Variants in DEFB4B observed in about 807,000 individuals in gnomAD.
The protein encoded by DEFB4B is beta-defensin 4B.
intron 1 of DEFB4B, among the ~76,000 whole-genome samples, chr8:7,416,235 G>A (rs1405978220): frequency 6.6e-6 from 1 of 151,652 alleles, no homozygotes; most frequent in African/African-American, 2.4e-5. Context: ...CTAGGTTGCA[G>A]TATCTACCCT....
rs1374476992 is a variant in DEFB4B at position 7,415,875 on chromosome 8, T to A, written c.59-778A>T. 3.5e-4 allele frequency among the ~76,000 whole-genome samples: 52 copies of A among 148,908 alleles called. 1 individual carries two copies. Among genetic ancestry groups the A allele is most frequent in the Non-Finnish European group, 6.0e-4 (40 of 67,124 alleles). ...TTGTTCTCACAAAACCCAGGACTCA[T>A]AAATAAGATTGGTAAAATGAGGATT... On this transcript the variant is annotated intron_variant, in intron 1 of 1. Transcript: ENST00000318157.
At chr8:7,415,785 C>T (rs547083870) in intron 1 of DEFB4B, among the ~76,000 whole-genome samples, 305 of 147,286 alleles carry the variant, frequency 2.1e-3, no homozygotes, top group African/African-American at 7.0e-3. Flanking sequence ...GCCTCCCCGC[C>T]TTCCTTCATT....
chr8:7,416,374 G>A (rs527619904), intron 1 of DEFB4B, among the ~76,000 whole-genome samples: 5 of 151,558 alleles, frequency 3.3e-5, no homozygotes, highest in Non-Finnish European at 7.4e-5. Context: ...AGCATGGAAA[G>A]CAGTGAAGAG....
In DEFB4B at chr8:7,415,461, C is replaced by T. The variant is rs1467400896; in HGVS notation, c.59-364G>A. 2.6e-4 allele frequency among the ~76,000 whole-genome samples: 40 copies of T among 151,290 alleles called. 2 individuals carry two copies. The highest frequency in any genetic ancestry group is 3.1e-4 in the Non-Finnish European group (21 of 67,788). On this transcript the variant is annotated intron_variant, in intron 1 of 1. Transcript: ENST00000318157. ...AGATAATATCAAAGCCACCATACCT[C>T]CATTTTAACACACACAAGCCAGTAA...
chr8:7,416,263 G>C (rs1188817053), intron 1 of DEFB4B, among the ~76,000 whole-genome samples: 1 of 151,658 alleles, frequency 6.6e-6, no homozygotes, highest in African/African-American at 2.4e-5. Context: ...TAAAAATTTA[G>C]AAAATGACAT....
chr8:7,415,846 C>A (rs1808827178), intron 1 of DEFB4B, among the ~76,000 whole-genome samples: 1 of 148,462 alleles, frequency 6.7e-6, no homozygotes, highest in South Asian at 2.2e-4. Flanking sequence ...CTCTCAGAAC[C>A]CCATTGTTCT....
chr8:7,416,209 G>A (rs1257316051), intron 1 of DEFB4B, among the ~76,000 whole-genome samples: 2 of 151,456 alleles, frequency 1.3e-5, no homozygotes, highest in Non-Finnish European at 2.9e-5. Context: ...TGGGCCTTAA[G>A]ATTATCTGGA....
chr8:7,415,682 T>C (rs1451230437), intron 1 of DEFB4B, among the ~76,000 whole-genome samples: 1 of 144,078 alleles, frequency 6.9e-6, no homozygotes, highest in African/African-American at 2.6e-5. Flanking sequence ...CTCATTCTTC[T>C]TTTTTTATCC....
chr8:7,415,443 A>G (rs1242853857), intron 1 of DEFB4B, among the ~76,000 whole-genome samples: 2 of 151,342 alleles, frequency 1.3e-5, no homozygotes, highest in Non-Finnish European at 2.9e-5. Flanking sequence ...AGAAGATAAT[A>G]TCAAAGCCAC....
chr8:7,416,582 A>C (rs1242727881), intron 1 of DEFB4B, among the ~76,000 whole-genome samples, 188 bp downstream of exon 1: 3 of 146,842 alleles, frequency 2.0e-5, no homozygotes, highest in African/African-American at 7.6e-5. Flanking sequence ...AGGAAAAAGA[A>C]AGACAGAAAA....
rs552222389 is a variant in DEFB4B, at chr8:7,415,510, A to C, written c.59-413T>G. Among the ~76,000 whole-genome samples, 3 of 151,576 alleles carry C rather than the reference A, an allele frequency of 2.0e-5. No homozygotes were observed. The South Asian group carries it at 6.2e-4, about 32-fold the overall frequency. ...AAACTTTTGCTTTTTCAAATCATTT[A>C]GTCTGTTAAGTATTTGATCTGAGAT... On this transcript the variant is annotated intron_variant, in intron 1 of 1. Coordinates refer to ENST00000318157, the MANE Select transcript of DEFB4B (RefSeq NM_001205266.2).
intron 1 of DEFB4B, among the ~76,000 whole-genome samples, 181 bp downstream of exon 1, chr8:7,416,589 A>T (rs1360793257): frequency 2.4e-5 from 2 of 81,710 alleles, no homozygotes; most frequent in South Asian, 7.8e-4. Context: ...AGAAAGACAG[A>T]AAAAAAGAGA....
intron 1 of DEFB4B, among the ~76,000 whole-genome samples, chr8:7,415,616 C>A (rs1264417917): frequency 2.6e-5 from 4 of 151,106 alleles, no homozygotes; most frequent in Non-Finnish European, 5.9e-5. Flanking sequence ...CCACAATTAA[C>A]CATAGAAATA....
chr8:7,415,339 T>C (rs1213700472), intron 1 of DEFB4B, among the ~76,000 whole-genome samples: 13 of 151,050 alleles, frequency 8.6e-5, no homozygotes, highest in African/African-American at 3.2e-4. Flanking sequence ...AACCTGATTG[T>C]GAAAGACCCT....
At chr8:7,416,163 C>T (rs1808846126) in intron 1 of DEFB4B, among the ~76,000 whole-genome samples, 1 of 150,956 alleles carries the variant, frequency 6.6e-6, no homozygotes, top group Admixed American at 6.6e-5. Flanking sequence ...GTCCTGGGGG[C>T]AGAGTGTCTG....
intron 1 of DEFB4B, among the ~76,000 whole-genome samples, chr8:7,415,957 T>C (rs1267590931): frequency 6.8e-6 from 1 of 147,682 alleles, no homozygotes; most frequent in Non-Finnish European, 1.5e-5. Flanking sequence ...AAATTTTCTT[T>C]TTCCCTTTCT....
intron 1 of DEFB4B, among the ~76,000 whole-genome samples, chr8:7,415,689 A>ATCTCTCCCTCCC (rs1808809654): frequency 1.5e-5 from 1 of 67,366 alleles, no homozygotes; most frequent in African/African-American, 5.4e-5. Context: ...TTCTTTTTTT[A>ATCTCTCCCTCCC]TCCCTCCCTC....
intron 1 of DEFB4B, among the ~76,000 whole-genome samples, chr8:7,415,412 T>C (rs1808793494): frequency 2.0e-5 from 3 of 151,386 alleles, no homozygotes; most frequent in Non-Finnish European, 4.4e-5. Flanking sequence ...AACGATCTCT[T>C]GTGAATTCAG....
intron 1 of DEFB4B, among the ~76,000 whole-genome samples, chr8:7,416,436 G>T (rs1200946326): frequency 6.6e-6 from 1 of 151,812 alleles, no homozygotes; most frequent in Non-Finnish European, 1.5e-5. Context: ...AAGAACGAGT[G>T]AGGTGTCCAT....
Sources: gnomAD v4.1 joint callset for allele counts (sites outside exome capture counted in the v4.1 genomes callset) on GRCh38, gnomAD v4.1.1 for gene constraint, MANE v1.5 for transcripts, NCBI Gene and HGNC (gene_info 2026-07-23, HGNC 2026-07-21) for gene names.